Variants in KLHL4 observed in about 807,000 individuals in gnomAD.
The protein encoded by KLHL4 is kelch like family member 4.
In KLHL4, 17 loss-of-function variants were observed where a neutral mutation model predicts 45.8. The observed-to-expected ratio is 0.37, with a 90% CI of 0.25 to 0.56. KLHL4 has a LOEUF of 0.56. Ranked by LOEUF, KLHL4 falls within the 20% of genes least tolerant of loss-of-function variation. The pLI is 0.79. For missense variants in KLHL4, 544 were observed against 544.9 expected, an observed-to-expected ratio of 1.00 and a Z score of 0.02; for synonymous variants, 224 against 189.9, an observed-to-expected ratio of 1.18 and a Z score of -1.47.
At chrX:87,560,483 T>C (rs1482324640) in intron 1 of KLHL4, among the ~76,000 whole-genome samples, 1 of 111,781 alleles carries the variant, frequency 8.9e-6, no homozygotes, top group African/African-American at 3.3e-5. Flanking sequence ...GATCTACCCT[T>C]TTAAGAAATT....
chrX:87,535,437 A>G (rs779487262), intron 1 of KLHL4, among the ~76,000 whole-genome samples: 1 of 112,484 alleles, frequency 8.9e-6, no homozygotes, highest in Non-Finnish European at 1.9e-5. Context: ...TTTAAATCCT[A>G]TAACTACCGT....
At chrX:87,646,556 A>T (rs901915032) in intron 9 of KLHL4, among the ~76,000 whole-genome samples, 4 of 111,710 alleles carry the variant, frequency 3.6e-5, no homozygotes, top group Admixed American at 9.5e-5. Flanking sequence ...CATATAGATG[A>T]CTGGAACAGA....
chrX:87,583,956 G>A (rs1223456533), intron 1 of KLHL4, among the ~76,000 whole-genome samples: 1 of 111,715 alleles, frequency 9.0e-6, no homozygotes. Flanking sequence ...CATAGTGGTG[G>A]TGGTAACAAT....
intron 1 of KLHL4, among the ~76,000 whole-genome samples, chrX:87,536,949 C>T (rs899953744): frequency 4.5e-5 from 5 of 111,441 alleles, no homozygotes; most frequent in African/African-American, 1.3e-4. Flanking sequence ...TTTTGAAAAA[C>T]AGCTTAAATA....
chrX:87,538,500 A>G (rs955823247), intron 1 of KLHL4, among the ~76,000 whole-genome samples: 5 of 111,798 alleles, frequency 4.5e-5, no homozygotes, highest in African/African-American at 1.3e-4. Flanking sequence ...AAAAAGTGGT[A>G]ATTAATTTTT....
chrX:87,592,001 C>G (rs1371763688), intron 1 of KLHL4, among the ~76,000 whole-genome samples: 2 of 110,214 alleles, frequency 1.8e-5, no homozygotes, highest in South Asian at 7.9e-4. Context: ...AACTTCCCCC[C>G]CCACCCCCAC....
At chrX:87,631,033 T>C (rs1302748026) in intron 6 of KLHL4, among the ~76,000 whole-genome samples, 3 of 111,535 alleles carry the variant, frequency 2.7e-5, no homozygotes, top group African/African-American at 9.8e-5. Flanking sequence ...ATAGATGAGC[T>C]GGTGAGGAGG....
At chrX:87,589,051 A>T (rs1394493321) in intron 1 of KLHL4, among the ~76,000 whole-genome samples, 1 of 112,027 alleles carries the variant, frequency 8.9e-6, no homozygotes, top group Non-Finnish European at 1.9e-5. Context: ...CAGTTATATG[A>T]GAAGGTGCTC....
intron 1 of KLHL4, among the ~76,000 whole-genome samples, chrX:87,528,085 A>G (rs1406590982): frequency 9.0e-6 from 1 of 111,336 alleles, no homozygotes; most frequent in East Asian, 2.8e-4. Context: ...AGAATTTAAA[A>G]TAATGATTAT....
At chrX:87,525,711 C>T (rs1334149038) in intron 1 of KLHL4, among the ~76,000 whole-genome samples, 3 of 111,547 alleles carry the variant, frequency 2.7e-5, no homozygotes, top group Non-Finnish European at 5.7e-5. Context: ...AACACTATAA[C>T]GTATGTATTT....
chrX:87,606,761 G>A lies in KLHL4; in HGVS notation c.423-7116G>A, dbSNP rs756298282. ...CCAGGTCTTGATTAATGTAGCAAAT[G>A]TCTTTTGAAAGTCAATTGTTTATCA... is the stretch of plus-strand genomic sequence containing the variant. On this transcript the variant is annotated intron_variant, in intron 1 of 10. Coordinates refer to ENST00000373119, the MANE Select transcript of KLHL4 (RefSeq NM_019117.5). Among the ~76,000 whole-genome samples the A allele has an allele frequency of 2.7e-5, 3 of 110,971 alleles. No homozygotes were observed. The East Asian group carries it at 8.6e-4, about 32-fold the overall frequency.
intron 3 of KLHL4, among the ~76,000 whole-genome samples, chrX:87,617,129 CATATAA>C (rs964397834): frequency 1.1e-4 from 12 of 111,136 alleles, no homozygotes; most frequent in Non-Finnish European, 1.9e-4. Flanking sequence ...ATAATACAGA[CATATAA>C]ATATAAACGG....
chrX:87,562,557 A>C (rs1263732691), intron 1 of KLHL4, among the ~76,000 whole-genome samples: 3 of 110,474 alleles, frequency 2.7e-5, no homozygotes, highest in African/African-American at 9.9e-5. Context: ...GTAAAAAAAA[A>C]AAATTGTCTT....
chrX:87,524,552 A>C (rs1055510392), intron 1 of KLHL4, among the ~76,000 whole-genome samples: 2 of 111,146 alleles, frequency 1.8e-5, no homozygotes, highest in African/African-American at 6.5e-5. Context: ...ACATAGGGGG[A>C]CATTCTACAA....
chrX:87,655,762 A>T lies in KLHL4; in HGVS notation c.1926-9002A>T, dbSNP rs950029264. 5.8e-4 allele frequency among the ~76,000 whole-genome samples: 65 copies of T among 111,464 alleles called. 1 individual carries two copies. Among genetic ancestry groups the T allele is most frequent in the African/African-American group, 2.0e-3 (61 of 30,741 alleles). ...AGCTACTTTGTAGCCTTATTTGTGT[A>T]ATTGTTTTATAAGACTTTTGAGTTT... On this transcript the variant is annotated intron_variant, in intron 9 of 10. Coordinates refer to ENST00000373119, the MANE Select transcript of KLHL4 (RefSeq NM_019117.5).
chrX:87,533,657 A>C (rs969137827), intron 1 of KLHL4, among the ~76,000 whole-genome samples: 3 of 109,330 alleles, frequency 2.7e-5, no homozygotes, highest in South Asian at 4.1e-4. Flanking sequence ...ATACATATGT[A>C]ACTAACCTGC....
intron 1 of KLHL4, among the ~76,000 whole-genome samples, chrX:87,520,859 T>G (rs926476390): frequency 1.8e-5 from 2 of 112,183 alleles, no homozygotes; most frequent in African/African-American, 3.2e-5. Flanking sequence ...GAGTATTTAA[T>G]TATGAAATAA....
intron 1 of KLHL4, among the ~76,000 whole-genome samples, chrX:87,596,727 C>T (rs1218628849): frequency 9.0e-6 from 1 of 111,619 alleles, no homozygotes; most frequent in Non-Finnish European, 1.9e-5. Flanking sequence ...GGGGTCTCGA[C>T]GTTTTGCTTC....
chrX:87,599,025 A>C (rs1489828413), intron 1 of KLHL4, among the ~76,000 whole-genome samples: 1 of 110,908 alleles, frequency 9.0e-6, no homozygotes, highest in African/African-American at 3.3e-5. Context: ...TTTAGTCATT[A>C]TGTGTTTACA....
Sources: gnomAD v4.1 joint callset for allele counts (sites outside exome capture counted in the v4.1 genomes callset) on GRCh38, gnomAD v4.1.1 for gene constraint, MANE v1.5 for transcripts, NCBI Gene and HGNC (gene_info 2026-07-23, HGNC 2026-07-21) for gene names.